The following HADHB variants were observed in gnomAD, a reference collection of about 807,000 sequenced individuals.
The protein encoded by HADHB is hydroxyacyl-CoA dehydrogenase trifunctional multienzyme complex subunit beta.
A neutral mutation model predicts 61.9 loss-of-function variants in HADHB; 50 were observed. The observed-to-expected ratio is 0.81, with a 90% CI of 0.64 to 1.02. The LOEUF is 1.02. Among genes scored for constraint, HADHB ranks in the 50% least tolerant of loss-of-function variants. HADHB has a pLI of 0.00. For synonymous variants in HADHB, 191 were observed against 201.6 expected, an observed-to-expected ratio of 0.95 and a Z score of 0.45; for missense variants, 504 against 586.5, an observed-to-expected ratio of 0.86 and a Z score of 1.45.
At chr2:26,284,727 A>G (rs1672951421) in intron 13 of HADHB, among the ~76,000 whole-genome samples, 156 bp from the exon 14 acceptor site, 1 of 152,156 alleles carries the variant, frequency 6.6e-6, no homozygotes, top group Non-Finnish European at 1.5e-5. Flanking sequence ...TTGGCCTCCC[A>G]AAGTGCTGGG....
At chr2:26,286,184 T>C (rs1673026919) in intron 15 of HADHB, among the ~76,000 whole-genome samples, 1 of 152,236 alleles carries the variant, frequency 6.6e-6, no homozygotes. Flanking sequence ...GTTAGAATCA[T>C]CTATAATCTC....
intron 13 of HADHB, 24 bp downstream of exon 13, chr2:26,284,228 T>G (rs1672923048): frequency 8.5e-7 from 1 of 1,170,568 alleles, no homozygotes; most frequent in Non-Finnish European, 1.3e-6. Context: ...AAGACACATA[T>G]GAAGGGACTA....
chr2:26,279,280 G>T lies in HADHB; in HGVS notation c.776G>T (p.Gly259Val), dbSNP rs1487220810. 1.2e-6 allele frequency: 2 copies of T among 1,613,152 alleles called. No individual in the cohort carries two copies. The highest frequency in any genetic ancestry group is 2.7e-5 in the African/African-American group (2 of 74,874). Residue 259 changes from glycine to valine, a missense_variant, in exon 9 of 16, where the codon GGA becomes GTA. Transcript: ENST00000317799. ...HSLAKKAQDE[G>V]LLSDVVPFKV... ...CTAGCCAAGAAGGCACAGGATGAAG[G>T]ACTCCTTTCTGATGTGGTACCCTTC...
At chr2:26,257,925 A>G (rs1439327476) in intron 3 of HADHB, among the ~76,000 whole-genome samples, 1 of 152,098 alleles carries the variant, frequency 6.6e-6, no homozygotes, top group Non-Finnish European at 1.5e-5. Flanking sequence ...AGGCTGAGGC[A>G]GAAGCATGGT....
At chr2:26,258,725 G>T (rs998541168) in intron 3 of HADHB, among the ~76,000 whole-genome samples, 1 of 152,238 alleles carries the variant, frequency 6.6e-6, no homozygotes, top group African/African-American at 2.4e-5. Flanking sequence ...TACAAGGGTA[G>T]GGGATCCAAA....
intron 1 of HADHB, among the ~76,000 whole-genome samples, chr2:26,250,849 A>G (rs1671370771): frequency 6.6e-6 from 1 of 151,668 alleles, no homozygotes; most frequent in Non-Finnish European, 1.5e-5. Flanking sequence ...GTGTGTATGT[A>G]TATATTATAT....
chr2:26,269,162 A>C (rs1340468940), intron 4 of HADHB, among the ~76,000 whole-genome samples: 1 of 151,912 alleles, frequency 6.6e-6, no homozygotes, highest in African/African-American at 2.4e-5. Context: ...AAAAAAAAAA[A>C]AAACAGCAGG....
rs1024435025 is a variant in HADHB, at chr2:26,290,167, A to G, written c.*214A>G. ...CTCTTTCAGGGATTTCTAAGCCACC[A>G]GAATCTCACATGAGATGTGTGGGTG... On this transcript the variant is annotated 3_prime_UTR_variant, in exon 16 of 16. Transcript: ENST00000317799. 5.0e-6 allele frequency: 3 copies of G among 595,350 alleles called. No individual in the cohort carries two copies. In the East Asian group the frequency reaches 8.7e-5, roughly 17 times the overall value. The allele number at this position is 595,350 out of a possible 1,614,324, so 36.9% of individuals were successfully genotyped here.
At chr2:26,266,859 GAC>G (rs1372656195) in intron 4 of HADHB, among the ~76,000 whole-genome samples, 3 of 60,476 alleles carry the variant, frequency 5.0e-5, no homozygotes, top group African/African-American at 7.6e-5. Flanking sequence ...GATGGAGTGA[GAC>G]ACTCTCTCTC....
chr2:26,282,251 CTTTTTTT>C (rs67626722), intron 10 of HADHB, among the ~76,000 whole-genome samples: 2 of 106,824 alleles, frequency 1.9e-5, no homozygotes, highest in African/African-American at 3.5e-5. Flanking sequence ...GCAGTTCTTT[CTTTTTTT>C]TTTTTTTTTT....
chr2:26,286,813 GTTT>G (rs1201781156), intron 15 of HADHB, among the ~76,000 whole-genome samples: 4 of 103,526 alleles, frequency 3.9e-5, no homozygotes, highest in East Asian at 2.3e-4. Context: ...GCCTGTTTTT[GTTT>G]TTTTTTTTTT....
At chr2:26,246,981 A>T (rs1381416542) in intron 1 of HADHB, among the ~76,000 whole-genome samples, 1 of 152,192 alleles carries the variant, frequency 6.6e-6, no homozygotes, top group East Asian at 1.9e-4. Flanking sequence ...TGCGCGTCCT[A>T]TGTGGTTAAG....
intron 5 of HADHB, among the ~76,000 whole-genome samples, chr2:26,271,226 G>A (rs2147817830): frequency 6.6e-6 from 1 of 151,056 alleles, no homozygotes; most frequent in South Asian, 2.1e-4. Context: ...AAAAAAACTG[G>A]GCCAAGCACG....
At chr2:26,273,573 G>T (rs1350100784) in intron 5 of HADHB, 78 bp from the exon 6 acceptor site, 7 of 804,604 alleles carry the variant, frequency 8.7e-6, no homozygotes, top group Admixed American at 1.8e-5. Flanking sequence ...TTTTCAAGGA[G>T]CGCAGTGTTT....
rs1672661318 is a variant in HADHB at position 26,278,771 on chromosome 2, T to C, written c.600T>C (p.Ser200=). Residue 200 remains serine (S), a synonymous_variant, in exon 8 of 16, where the codon TCT becomes TCC. Coordinates refer to ENST00000317799, the MANE Select transcript of HADHB (RefSeq NM_000183.3). ...TGGGCCAGCGACTGTCTTTAATCTC[T>C]AAATTCCGATTTAATTTCCTAGCAC... ...KSMGQRLSLI[S]KFRFNFLAPE... is the part of the protein sequence containing the mutation. 1 of 1,614,048 alleles carries C rather than the reference T, an allele frequency of 6.2e-7. No homozygotes were observed. The highest frequency in any genetic ancestry group is 1.7e-5 in the Admixed American group (1 of 60,002).
chr2:26,285,739 G>GTTTTTATTTTTTTTTTTTTTT (rs1673001225), intron 15 of HADHB, among the ~76,000 whole-genome samples, 168 bp downstream of exon 15: 1 of 65,082 alleles, frequency 1.5e-5, no homozygotes, highest in Admixed American at 1.9e-4. Flanking sequence ...TGTTTTTTGG[G>GTTTTTATTTTTTTTTTTTTTT]TTTTTTTTTT....
chr2:26,263,443 A>G lies in HADHB; in HGVS notation c.173A>G (p.Asp58Gly), dbSNP rs746076418. ...KPNIRNVVVV[D>G]GVRTPFLLSG... ...AATATAAGGAATGTTGTGGTGGTGG[A>G]TGGTGTTCGCACTCCATTTTTGCTG... The change falls in exon 4 of 16, where the codon GAT (aspartate) becomes GGT (glycine). Residue 58 changes from aspartate to glycine, a missense_variant. Transcript: ENST00000317799. 1.4e-5 allele frequency: 22 copies of G among 1,612,536 alleles called. No individual in the cohort carries two copies. Among genetic ancestry groups the G allele is most frequent in the Middle Eastern group, 1.7e-4 (1 of 6,044 alleles).
intron 1 of HADHB, among the ~76,000 whole-genome samples, chr2:26,250,377 A>G (rs114797441): frequency 0.012 from 1,803 of 152,282 alleles, 40 homozygotes; most frequent in African/African-American, 0.039. Context: ...ACATGTTACA[A>G]ATATTTTCTC....
intron 4 of HADHB, among the ~76,000 whole-genome samples, chr2:26,265,570 T>C (rs1038440801): frequency 3.3e-5 from 5 of 151,938 alleles, no homozygotes; most frequent in African/African-American, 1.2e-4. Context: ...TACTCCAGCC[T>C]GGGTGACAGA....
Sources: allele counts gnomAD v4.1 joint callset (sites outside exome capture counted in the v4.1 genomes callset), GRCh38; gene constraint gnomAD v4.1.1; transcripts MANE v1.5; gene names NCBI Gene and HGNC (gene_info 2026-07-23, HGNC 2026-07-21).